The following ASTN2 variants were observed in gnomAD, a reference collection of about 807,000 sequenced individuals.
ASTN2 encodes the protein astrotactin 2.
Under a neutral mutation model 139.8 loss-of-function variants are expected in ASTN2, and 54 were observed. That is an observed-to-expected ratio of 0.39 (90% CI 0.31 to 0.48). ASTN2 has a LOEUF of 0.48. Ranked by LOEUF, ASTN2 falls within the 20% of genes least tolerant of loss-of-function variation. The pLI, the probability that ASTN2 is intolerant of heterozygous loss-of-function variation, is 0.95. For missense variants in ASTN2, 1,565 were observed against 1,725.1 expected, an observed-to-expected ratio of 0.91 and a Z score of 1.64; for synonymous variants, 756 against 719.5, an observed-to-expected ratio of 1.05 and a Z score of -0.81.
chr9:116,732,283 A>G (rs1427704587), intron 14 of ASTN2, among the ~76,000 whole-genome samples: 1 of 152,184 alleles, frequency 6.6e-6, no homozygotes, highest in Non-Finnish European at 1.5e-5. Flanking sequence ...GCAGGGTTAC[A>G]TGGTTTAACA....
Position 117,053,074 on chromosome 9 carries a change from T to C in ASTN2, c.1277-13109A>G, listed in dbSNP as rs551096604. Among the ~76,000 whole-genome samples, 5 of 152,320 alleles carry C rather than the reference T, an allele frequency of 3.3e-5. No individual in the cohort carries two copies. In the East Asian group the frequency reaches 7.7e-4, roughly 24 times the overall value. On this transcript the variant is annotated intron_variant, in intron 5 of 22. Coordinates refer to ENST00000313400, the MANE Select transcript of ASTN2 (RefSeq NM_001365068.1). ...AAAGAGAAAAAGGAAACACATATTC[T>C]ATATGAGAAGCTATTGTGAACCAAG...
intron 13 of ASTN2, among the ~76,000 whole-genome samples, chr9:116,766,570 A>G (rs996464774): frequency 6.6e-6 from 1 of 151,904 alleles, no homozygotes; most frequent in Non-Finnish European, 1.5e-5. Context: ...AATCACATGC[A>G]TTCATACTCA....
At chr9:116,489,571 T>A (rs181784832) in intron 19 of ASTN2, among the ~76,000 whole-genome samples, 61 of 152,274 alleles carry the variant, frequency 4.0e-4, no homozygotes, top group South Asian at 1.7e-3. Context: ...TACTGAGCCT[T>A]GGCCTCCCAA....
intron 19 of ASTN2, among the ~76,000 whole-genome samples, chr9:116,506,786 T>A (rs1850130170): frequency 6.6e-6 from 1 of 152,174 alleles, no homozygotes; most frequent in Non-Finnish European, 1.5e-5. Context: ...ATTTGCCAAC[T>A]GGGGATAGAC....
intron 2 of ASTN2, among the ~76,000 whole-genome samples, chr9:117,252,354 A>G (rs1303679357): frequency 6.6e-6 from 1 of 152,238 alleles, no homozygotes; most frequent in Non-Finnish European, 1.5e-5. Flanking sequence ...AACTAAGAAG[A>G]TGCTGCAAGT....
intron 1 of ASTN2, among the ~76,000 whole-genome samples, chr9:117,309,330 C>T (rs964000223): frequency 6.6e-6 from 1 of 152,188 alleles, no homozygotes; most frequent in South Asian, 2.1e-4. Flanking sequence ...GACAGCAGAG[C>T]TAGATAGACC....
intron 10 of ASTN2, among the ~76,000 whole-genome samples, chr9:116,943,087 T>C (rs1353361929): frequency 6.6e-6 from 1 of 152,240 alleles, no homozygotes; most frequent in Middle Eastern, 3.2e-3. Context: ...TACCAGGTCT[T>C]GTTGCCAGTA....
intron 16 of ASTN2, among the ~76,000 whole-genome samples, chr9:116,702,907 T>C (rs922723129): frequency 1.3e-5 from 2 of 152,202 alleles, no homozygotes; most frequent in African/African-American, 4.8e-5. Context: ...AGAATAAACG[T>C]GGCGTGAGCT....
intron 2 of ASTN2, among the ~76,000 whole-genome samples, chr9:117,238,484 A>C (rs1478201605): frequency 6.6e-6 from 1 of 152,190 alleles, no homozygotes; most frequent in Admixed American, 6.5e-5. Context: ...CCAGTGCTGA[A>C]CCTGTTATGA....
intron 19 of ASTN2, among the ~76,000 whole-genome samples, chr9:116,514,808 T>C (rs1474565787): frequency 6.6e-6 from 1 of 152,218 alleles, no homozygotes. Context: ...GTGCGGGATA[T>C]AAACTCCTGG....
intron 19 of ASTN2, among the ~76,000 whole-genome samples, chr9:116,549,374 G>C (rs1223276626): frequency 3.3e-5 from 5 of 152,170 alleles, no homozygotes; most frequent in Non-Finnish European, 7.3e-5. Flanking sequence ...CGAGCAACTC[G>C]GATAGTACCC....
intron 20 of ASTN2, among the ~76,000 whole-genome samples, chr9:116,470,286 T>G (rs1308881946): frequency 6.6e-6 from 1 of 152,198 alleles, no homozygotes; most frequent in African/African-American, 2.4e-5. Flanking sequence ...AGGGAAAAGA[T>G]TCGGCGTGTT....
chr9:116,902,811 T>C (rs1001112402), intron 10 of ASTN2, among the ~76,000 whole-genome samples: 15 of 152,202 alleles, frequency 9.9e-5, no homozygotes, highest in Non-Finnish European at 7.3e-5. Flanking sequence ...TACTGTTCCT[T>C]ATCTGTTTAA....
chr9:116,818,448 C>T (rs1195055270), intron 12 of ASTN2, among the ~76,000 whole-genome samples: 2 of 152,120 alleles, frequency 1.3e-5, no homozygotes, highest in Non-Finnish European at 2.9e-5. Context: ...AGACAGTTTC[C>T]AAATCCTGTT....
At chr9:117,193,712 A>G (rs1421323901) in intron 3 of ASTN2, among the ~76,000 whole-genome samples, 1 of 151,746 alleles carries the variant, frequency 6.6e-6, no homozygotes, top group Non-Finnish European at 1.5e-5. Flanking sequence ...TAGAGGGCCT[A>G]TGTTTCAAAA....
rs377230516 is a variant in ASTN2, at chr9:117,155,720, A to G, written c.1016-14242T>C. On this transcript the variant is annotated intron_variant, in intron 3 of 22. Coordinates refer to ENST00000313400, the MANE Select transcript of ASTN2 (RefSeq NM_001365068.1). ...GTCACCTATGGATTTAAAGCTCCAG[A>G]CATTGGACCTGAATTAGAGGTAGGT... Among the ~76,000 whole-genome samples the G allele has an allele frequency of 5.9e-5, 9 of 152,200 alleles. No individual in the cohort carries two copies. In the South Asian group the frequency reaches 1.9e-3, roughly 32 times the overall value.
intron 16 of ASTN2, chr9:116,686,792 A>C: frequency 6.4e-7 from 1 of 1,550,660 alleles, no homozygotes; most frequent in Non-Finnish European, 8.7e-7. Flanking sequence ...TCCTTTACAG[A>C]GCAATGTGTT....
chr9:117,042,188 C>T (rs974560155), intron 5 of ASTN2, among the ~76,000 whole-genome samples: 5 of 152,128 alleles, frequency 3.3e-5, no homozygotes, highest in African/African-American at 4.8e-5. Context: ...AACAGAACAT[C>T]GGCTATTATT....
intron 5 of ASTN2, among the ~76,000 whole-genome samples, chr9:117,055,401 G>A (rs1387483882): frequency 6.6e-6 from 1 of 152,108 alleles, no homozygotes; most frequent in Non-Finnish European, 1.5e-5. Context: ...AGGACCACTT[G>A]AGCCCAGGAA....
Sources: gnomAD v4.1 joint callset for allele counts (sites outside exome capture counted in the v4.1 genomes callset) on GRCh38, gnomAD v4.1.1 for gene constraint, MANE v1.5 for transcripts, NCBI Gene and HGNC (gene_info 2026-07-23, HGNC 2026-07-21) for gene names.